LRP1B: variants seen among roughly 807,000 people sequenced by gnomAD.
The protein encoded by LRP1B is LDL receptor related protein 1B, also known as low-density lipoprotein receptor-related protein 1B.
A neutral mutation model predicts 556.6 loss-of-function variants in LRP1B; 217 were observed. The observed-to-expected ratio is 0.39, with a 90% CI of 0.35 to 0.44. The LOEUF (loss-of-function observed/expected upper bound fraction) is 0.44, where lower values mean the gene tolerates loss of function less well. Ranked by LOEUF, LRP1B falls within the 20% of genes least tolerant of loss-of-function variation. LRP1B has a pLI of 1.00. For missense variants in LRP1B, 5,053 were observed against 5,620.8 expected (o/e 0.90, Z 3.23); for synonymous variants, 2,047 against 1,865.8 (o/e 1.10, Z -2.50).
Position 140,769,313 on chromosome 2 carries a change from A to AT in LRP1B, c.5657dup (p.His1886GlnfsTer2). 6.2e-7 allele frequency: 1 copy of AT among 1,611,998 alleles called. No individual in the cohort carries two copies. The highest frequency in any genetic ancestry group is 8.5e-7 in the Non-Finnish European group (1 of 1,178,512). On this transcript the variant is annotated frameshift_variant, in exon 35 of 91. Transcript: ENST00000389484. LOFTEE classifies it high-confidence loss of function. ...CAAGAGGTATTCCCCTGATTCCTTC[A>AT]TGAACAGAGTACATAAGAAATGATT...
chr2:141,072,753 A>G lies in LRP1B; in HGVS notation c.1014-10480T>C, dbSNP rs368304017. Among the ~76,000 whole-genome samples the G allele has an allele frequency of 1.4e-4, 22 of 152,180 alleles. No homozygotes were observed. The East Asian group carries it at 2.1e-3, about 15-fold the overall frequency. On this transcript the variant is annotated intron_variant, in intron 7 of 90. Transcript: ENST00000389484. ...ACTTCACCTCACATCTCTCAACTCC[A>G]GAAGGATAGTCTTGCCTCTTTCTGT...
chr2:141,123,241 T>A (rs1186122839), intron 7 of LRP1B, among the ~76,000 whole-genome samples: 27 of 143,198 alleles, frequency 1.9e-4, no homozygotes, highest in East Asian at 8.4e-4. Flanking sequence ...TAAAGTATAA[T>A]AAAAAAAAAT....
chr2:141,480,341 T>G, intron 3 of LRP1B, 55 bp downstream of exon 3: 1 of 1,595,004 alleles, frequency 6.3e-7, no homozygotes, highest in Non-Finnish European at 8.6e-7. Context: ...CTTTGAACTT[T>G]CATTACTATG....
At position 141,030,453 on chromosome 2, in the gene LRP1B, C is replaced by A. The variant is rs764272410; in HGVS notation, c.1790-10351G>T. Among the ~76,000 whole-genome samples, 103 of 151,968 alleles carry A rather than the reference C, an allele frequency of 6.8e-4. 1 individual carries two copies. The highest frequency in any genetic ancestry group is 1.6e-3 in the Admixed American group (25 of 15,244). On this transcript the variant is annotated intron_variant, in intron 11 of 90. Transcript: ENST00000389484. ...AAATTCCTCTATTTAAGACAAATTA[C>A]AAATAACTTAATAGCTAAAATATCA... is the stretch of plus-strand genomic sequence containing the variant.
At chr2:140,769,164 A>G in intron 35 of LRP1B, 49 bp downstream of exon 35, 1 of 1,531,960 alleles carries the variant, frequency 6.5e-7, no homozygotes, top group Non-Finnish European at 9.0e-7. Context: ...CATGTTTAAT[A>G]AATCAAGTGA....
intron 25 of LRP1B, among the ~76,000 whole-genome samples, chr2:140,877,387 C>T (rs1260801033): frequency 6.6e-6 from 1 of 152,016 alleles, no homozygotes; most frequent in African/African-American, 2.4e-5. Flanking sequence ...GACTTAGCCA[C>T]CTAGGAATAA....
chr2:141,281,779 T>C (rs1685517500), intron 3 of LRP1B, among the ~76,000 whole-genome samples: 1 of 151,996 alleles, frequency 6.6e-6, no homozygotes, highest in Admixed American at 6.6e-5. Flanking sequence ...GGCAGTATGG[T>C]ATAGTAGTTA....
intron 2 of LRP1B, among the ~76,000 whole-genome samples, chr2:141,710,849 C>T (rs537578154): frequency 2.0e-4 from 30 of 152,274 alleles, no homozygotes; most frequent in African/African-American, 6.7e-4. Context: ...GCCAAGGTAA[C>T]ACTGACCTGA....
chr2:140,975,599 C>A (rs1455021004), intron 18 of LRP1B, among the ~76,000 whole-genome samples: 1 of 152,040 alleles, frequency 6.6e-6, no homozygotes, highest in East Asian at 1.9e-4. Flanking sequence ...TGGGTTGGAA[C>A]AAGTTATAGA....
At chr2:140,276,694 T>C (rs1356162555) in intron 84 of LRP1B, among the ~76,000 whole-genome samples, 1 of 151,986 alleles carries the variant, frequency 6.6e-6, no homozygotes, top group Non-Finnish European at 1.5e-5. Flanking sequence ...TTTCATCCAC[T>C]GGGGCTGATT....
intron 77 of LRP1B, among the ~76,000 whole-genome samples, chr2:140,337,153 G>A (rs935682178): frequency 9.2e-5 from 14 of 151,814 alleles, no homozygotes; most frequent in African/African-American, 2.4e-4. Context: ...ACTGTCTGCC[G>A]CATGATTACT....
chr2:141,647,525 A>G (rs1213807134), intron 2 of LRP1B, among the ~76,000 whole-genome samples: 2 of 152,186 alleles, frequency 1.3e-5, no homozygotes, highest in Non-Finnish European at 2.9e-5. Flanking sequence ...ATCGTGGTTG[A>G]GAATAGACAT....
intron 66 of LRP1B, among the ~76,000 whole-genome samples, chr2:140,419,569 CATT>C (rs538743280): frequency 2.6e-4 from 39 of 152,266 alleles, no homozygotes; most frequent in African/African-American, 8.2e-4. Context: ...TACTTTGATA[CATT>C]TTAAAGGATT....
In LRP1B at chr2:140,867,740, G is replaced by C. The variant is rs760933759; in HGVS notation, c.4429C>G (p.Leu1477Val). The change falls in exon 27 of 91, where the codon CTA becomes GTA. Residue 1477 changes from leucine (L) to valine (V), a missense_variant. Leu to Val is a conservative substitution (Grantham distance 32, BLOSUM62 1). Around this residue, in one of 5 missense-constraint regions of LRP1B, gnomAD observed 3,619 missense variants for 3,931.9 expected, o/e 0.92. Transcript: ENST00000389484. ...EYLSHPFAVS[L>V]YGSEVYWTDW... ...GTCCAGTAGACTTCACTCCCATATAGAGACACAGCAAAGGGATGGGAAAGG... is the reference window on the plus strand; with the variant it reads ...GTCCAGTAGACTTCACTCCCATATACAGACACAGCAAAGGGATGGGAAAGG... The C allele has an allele frequency of 1.2e-6, 2 of 1,612,102 alleles. No homozygotes were observed. Among genetic ancestry groups the C allele is most frequent in the Non-Finnish European group, 1.7e-6 (2 of 1,179,008 alleles).
chr2:141,347,310 CA>C (rs767176539), intron 3 of LRP1B, among the ~76,000 whole-genome samples: 6 of 151,432 alleles, frequency 4.0e-5, no homozygotes, highest in South Asian at 2.1e-4. Flanking sequence ...ATTGTAATAA[CA>C]AAAAAAATCA....
chr2:142,051,954 T>A (rs2105233211), intron 1 of LRP1B, among the ~76,000 whole-genome samples: 1 of 152,292 alleles, frequency 6.6e-6, no homozygotes, highest in South Asian at 2.1e-4. Context: ...CATTCTTGCA[T>A]TGAAAAGAAC....
chr2:141,994,875 T>G (rs1574572500), intron 1 of LRP1B, among the ~76,000 whole-genome samples: 1 of 152,118 alleles, frequency 6.6e-6, no homozygotes, highest in Non-Finnish European at 1.5e-5. Context: ...AGATTATGCT[T>G]TCCTAATATC....
chr2:140,983,994 A>G (rs1696846886), intron 17 of LRP1B, among the ~76,000 whole-genome samples: 1 of 151,850 alleles, frequency 6.6e-6, no homozygotes, highest in Non-Finnish European at 1.5e-5. Flanking sequence ...TGTCATCTAT[A>G]CGAAAATGAA....
chr2:140,820,277 G>A (rs569538012), intron 31 of LRP1B, among the ~76,000 whole-genome samples: 1 of 152,246 alleles, frequency 6.6e-6, no homozygotes, highest in South Asian at 2.1e-4. Flanking sequence ...ACCACACCTG[G>A]CCTACATTAA....
Sources: allele counts gnomAD v4.1 joint callset (sites outside exome capture counted in the v4.1 genomes callset), GRCh38; gene constraint gnomAD v4.1.1; regional missense constraint gnomAD v4.1.1; transcripts MANE v1.5; gene names NCBI Gene and HGNC (gene_info 2026-07-23, HGNC 2026-07-21).